The following LEPR variants were observed in gnomAD, a reference collection of about 807,000 sequenced individuals.
LEPR encodes the protein leptin receptor, also known as OB receptor.
Under a neutral mutation model 114.7 loss-of-function variants are expected in LEPR, and 56 were observed. The ratio of observed to expected loss-of-function variants is 0.49; its 90% CI spans 0.39 to 0.61. LEPR has a LOEUF of 0.61. Among genes scored for constraint, LEPR ranks in the 20% least tolerant of loss-of-function variants. The pLI is 0.00. For synonymous variants in LEPR, 443 were observed against 461.4 expected (o/e 0.96, Z 0.51); for missense variants, 1,202 against 1,352.9 (o/e 0.89, Z 1.75).
chr1:65,492,813 CT>C lies in LEPR; in HGVS notation c.-21+67447del, dbSNP rs559527193. On this transcript the variant is annotated intron_variant, in intron 2 of 19. Coordinates refer to ENST00000349533, the MANE Select transcript of LEPR (RefSeq NM_002303.6). ...ATCTCATATGTTAAAATTCATCCATCTTTTTTTTTTTTCCAAAAAAGTGAAT... is the reference window on the plus strand; with the variant it reads ...ATCTCATATGTTAAAATTCATCCATCTTTTTTTTTTTCCAAAAAAGTGAAT... Among the ~76,000 whole-genome samples, 1,375 of 140,830 alleles carry C rather than the reference CT, an allele frequency of 9.8e-3. 12 individuals are homozygous for C. The highest frequency in any genetic ancestry group is 0.043 in the East Asian group (211 of 4,866). 92.4% of individuals were successfully genotyped at this position (140,830 alleles called of 152,430 possible). A position where few individuals can be genotyped will look rare whatever the true frequency, so the allele number is the denominator to read the frequency against.
intron 18 of LEPR, among the ~76,000 whole-genome samples, chr1:65,621,737 G>A (rs1557701876): frequency 6.6e-6 from 1 of 152,152 alleles, no homozygotes; most frequent in South Asian, 2.1e-4. Flanking sequence ...GGGGCTTCTG[G>A]CCAATTTTGT....
intron 2 of LEPR, chr1:65,433,132 A>G (rs534584276): frequency 1.0e-6 from 1 of 985,340 alleles, no homozygotes; most frequent in East Asian, 1.1e-4. Flanking sequence ...CATTTCCTTT[A>G]TGATCTGGCA....
intron 5 of LEPR, 144 bp from the exon 6 acceptor site, chr1:65,592,513 A>G (rs1655772099): frequency 2.7e-6 from 2 of 737,766 alleles, no homozygotes; most frequent in Non-Finnish European, 4.1e-6. Flanking sequence ...TTGTTTTTCT[A>G]ATGTAGGGTT....
At chr1:65,432,301 G>A (rs756470534) in intron 2 of LEPR, 452 of 992,986 alleles carry the variant, frequency 4.6e-4, no homozygotes, top group Non-Finnish European at 5.0e-4. Context: ...GAAGGCCGGG[G>A]TGGATCCCTC....
chr1:65,578,616 G>T (rs547080038), intron 5 of LEPR, among the ~76,000 whole-genome samples: 1 of 152,146 alleles, frequency 6.6e-6, no homozygotes, highest in Non-Finnish European at 1.5e-5. Flanking sequence ...TGTGCAACAT[G>T]TACAGTATTG....
chr1:65,435,372 T>TC, intron 2 of LEPR: 1 of 887,656 alleles, frequency 1.1e-6, no homozygotes, highest in Non-Finnish European at 1.3e-6. Flanking sequence ...TTTTCTTTTT[T>TC]TTTTTTTTTT....
At chr1:65,465,829 C>T (rs186561170) in intron 2 of LEPR, among the ~76,000 whole-genome samples, 7 of 152,234 alleles carry the variant, frequency 4.6e-5, no homozygotes, top group South Asian at 2.1e-4. Context: ...TCTGTTTTAT[C>T]GGAGACTAGG....
chr1:65,545,819 T>C (rs6687148), intron 2 of LEPR, among the ~76,000 whole-genome samples: 151,494 of 151,496 alleles, frequency 1, 75,746 homozygotes, highest in Non-Finnish European at 1. Flanking sequence ...TAATGAGATC[T>C]CATTTGTCAA....
At chr1:65,469,441 A>G (rs1647056281) in intron 2 of LEPR, among the ~76,000 whole-genome samples, 1 of 152,240 alleles carries the variant, frequency 6.6e-6, no homozygotes, top group Admixed American at 6.5e-5. Flanking sequence ...CAGGCTAGAA[A>G]GTTAGGCTGG....
chr1:65,433,267 G>A, intron 2 of LEPR: 1 of 985,402 alleles, frequency 1.0e-6, no homozygotes, highest in African/African-American at 1.7e-5. Flanking sequence ...CACGCAGTGG[G>A]TGAACTGCTT....
intron 2 of LEPR, among the ~76,000 whole-genome samples, chr1:65,449,498 G>C (rs1175222268): frequency 2.0e-5 from 3 of 151,798 alleles, no homozygotes; most frequent in African/African-American, 7.3e-5. Context: ...TGTTCACTTG[G>C]GCAGGACATC....
intron 2 of LEPR, among the ~76,000 whole-genome samples, chr1:65,465,133 A>T (rs528980911): frequency 6.6e-6 from 1 of 152,108 alleles, no homozygotes; most frequent in South Asian, 2.1e-4. Flanking sequence ...TCGATTTTAG[A>T]TATTTCCTCC....
chr1:65,520,724 T>A (rs1649590763), intron 2 of LEPR, among the ~76,000 whole-genome samples: 1 of 152,224 alleles, frequency 6.6e-6, no homozygotes, highest in South Asian at 2.1e-4. Flanking sequence ...CCCACATACT[T>A]ATTGACAGCA....
chr1:65,581,499 A>G (rs1044333386), intron 5 of LEPR, among the ~76,000 whole-genome samples: 5 of 148,356 alleles, frequency 3.4e-5, no homozygotes, highest in African/African-American at 1.3e-4. Context: ...CTGTCTCTAT[A>G]TTAGCACTAT....
intron 2 of LEPR, among the ~76,000 whole-genome samples, chr1:65,524,673 C>T (rs1018455350): frequency 6.6e-6 from 1 of 152,174 alleles, no homozygotes; most frequent in Non-Finnish European, 1.5e-5. Flanking sequence ...AAGTAGAGGC[C>T]TTTAAAAATT....
At chr1:65,531,200 T>C (rs1650371308) in intron 2 of LEPR, among the ~76,000 whole-genome samples, 1 of 152,172 alleles carries the variant, frequency 6.6e-6, no homozygotes, top group Non-Finnish European at 1.5e-5. Context: ...GGCTCCTTGC[T>C]ATTTCTTGAC....
intron 2 of LEPR, among the ~76,000 whole-genome samples, chr1:65,481,879 A>G (rs1302131840): frequency 1.3e-5 from 2 of 151,338 alleles, no homozygotes; most frequent in African/African-American, 4.8e-5. Flanking sequence ...AACAAGAAAA[A>G]GAAGAGTATA....
rs1266324023 is a variant in LEPR at position 65,613,489 on chromosome 1, C to T, written c.1996-2519C>T. 5.2e-5 allele frequency among the ~76,000 whole-genome samples: 5 copies of T among 97,078 alleles called. 1 individual carries two copies. The highest frequency in any genetic ancestry group is 1.7e-4 in the African/African-American group (5 of 29,656). 63.7% of individuals were successfully genotyped at this position (97,078 alleles called of 152,430 possible). On this transcript the variant is annotated intron_variant, in intron 14 of 19. Transcript: ENST00000349533. Reference sequence around the variant, plus strand: ...TCAACAGGGGCCGGGCGCGGTGGCTCACGCCTGTAATCCCAGCACTTTGGG... The same window carrying T: ...TCAACAGGGGCCGGGCGCGGTGGCTTACGCCTGTAATCCCAGCACTTTGGG...
chr1:65,586,997 A>C (rs1166568335), intron 5 of LEPR, among the ~76,000 whole-genome samples: 1 of 145,270 alleles, frequency 6.9e-6, no homozygotes, highest in Non-Finnish European at 1.5e-5. Flanking sequence ...CATAGAGTTA[A>C]TCTGATTTTA....
Sources: gnomAD v4.1 joint callset for allele counts (sites outside exome capture counted in the v4.1 genomes callset) on GRCh38, gnomAD v4.1.1 for gene constraint, MANE v1.5 for transcripts, NCBI Gene and HGNC (gene_info 2026-07-23, HGNC 2026-07-21) for gene names.